Variants in MACF1 observed in about 807,000 individuals in gnomAD.
The protein encoded by MACF1 is microtubule actin crosslinking factor 1, also known as microtubule-actin cross-linking factor 1.
Under a neutral mutation model 854.8 loss-of-function variants are expected in MACF1, and 193 were observed. The observed-to-expected ratio is 0.23, with a 90% CI of 0.20 to 0.25. MACF1 has a LOEUF of 0.25. Among genes scored for constraint, MACF1 ranks in the 10% least tolerant of loss-of-function variants. MACF1 has a pLI of 1.00. For missense variants in MACF1, 7,722 were observed against 8,929.1 expected, an observed-to-expected ratio of 0.86 and a Z score of 5.45; for synonymous variants, 3,185 against 3,226.7, an observed-to-expected ratio of 0.99 and a Z score of 0.44.
intron 33 of MACF1, 66 bp downstream of exon 33, chr1:39,323,074 G>A (rs1482415445): frequency 6.8e-7 from 1 of 1,473,732 alleles, no homozygotes; most frequent in East Asian, 2.3e-5. Flanking sequence ...GCACGGTGGT[G>A]TGTGCCTGTA....
intron 80 of MACF1, among the ~76,000 whole-genome samples, chr1:39,446,450 T>G (rs1644233360): frequency 1.3e-5 from 2 of 152,044 alleles, no homozygotes; most frequent in South Asian, 4.1e-4. Flanking sequence ...TCCACCTGAT[T>G]TGTTTAGATT....
chr1:39,225,373 C>T (rs1272129953), intron 1 of MACF1, among the ~76,000 whole-genome samples: 6 of 150,842 alleles, frequency 4.0e-5, no homozygotes, highest in African/African-American at 9.8e-5. Context: ...CCCGCCACCG[C>T]GCCCGGCTAA....
chr1:39,240,571 T>C (rs1261472042), intron 2 of MACF1, among the ~76,000 whole-genome samples: 1 of 152,240 alleles, frequency 6.6e-6, no homozygotes, highest in Non-Finnish European at 1.5e-5. Context: ...CGATCTTGGC[T>C]CACTGCAGCC....
At position 39,357,681 on chromosome 1, in the gene MACF1, G is replaced by A. The variant is rs773618583; in HGVS notation, c.11731G>A (p.Glu3911Lys). The change falls in exon 45 of 101, where the codon GAG becomes AAG. Residue 3911 changes from glutamate (E) to lysine (K), a missense_variant. Glu to Lys is a moderately conservative substitution (Grantham distance 56). Coordinates refer to ENST00000564288, the MANE Select transcript of MACF1 (RefSeq NM_001394062.1). ...CATGCATAAGGGAGGCAGCAGCCCC[G>A]AGACCCTTCCCTCCCTGCTAAAGCG... is the stretch of plus-strand genomic sequence containing the variant. ...ENMHKGGSSP[E>K]TLPSLLKRQG... is the part of the protein sequence containing the mutation. The A allele has an allele frequency of 1.3e-5, 21 of 1,614,000 alleles. No individual in the cohort carries two copies. The African/African-American group carries it at 1.5e-4, about 11-fold the overall frequency.
chr1:39,286,439 T>A lies in MACF1; in HGVS notation c.1508+681T>A, dbSNP rs188040779. On this transcript the variant is annotated intron_variant, in intron 14 of 100. Coordinates refer to ENST00000564288, the MANE Select transcript of MACF1 (RefSeq NM_001394062.1). Reference sequence around the variant, plus strand: ...AATTGAGACCCACAGAAGATGAAAATTATGTAAAGTCATGTGGCTAGTTTT... The same window carrying A: ...AATTGAGACCCACAGAAGATGAAAAATATGTAAAGTCATGTGGCTAGTTTT... 4.6e-5 allele frequency among the ~76,000 whole-genome samples: 7 copies of A among 152,138 alleles called. No homozygotes were observed. In the East Asian group the frequency reaches 1.3e-3, roughly 29 times the overall value.
At chr1:39,297,835 G>A (rs149789827) in intron 21 of MACF1, 90 bp downstream of exon 21, 3 of 1,449,162 alleles carry the variant, frequency 2.1e-6, no homozygotes, top group Non-Finnish European at 1.9e-6. Flanking sequence ...AAGCTCCAGG[G>A]CAATGGGCCA....
At chr1:39,117,956 G>A (rs921755261) in intron 2 of MACF1, among the ~76,000 whole-genome samples, 15 of 152,218 alleles carry the variant, frequency 9.9e-5, no homozygotes, top group African/African-American at 3.6e-4. Flanking sequence ...ATGGCAGAGA[G>A]CTGCCACCTG....
At chr1:39,119,959 C>A (rs1435751056) in intron 2 of MACF1, among the ~76,000 whole-genome samples, 1 of 150,780 alleles carries the variant, frequency 6.6e-6, no homozygotes, top group African/African-American at 2.4e-5. Context: ...TCTCGGCTCA[C>A]CGCAACCTCT....
At position 39,347,619 on chromosome 1, in the gene MACF1, T is replaced by C. The variant is rs1054033644; in HGVS notation, c.10815+409T>C. Among the ~76,000 whole-genome samples, 7 of 152,312 alleles carry C rather than the reference T, an allele frequency of 4.6e-5. No individual in the cohort carries two copies. The South Asian group carries it at 1.4e-3, about 32-fold the overall frequency. On this transcript the variant is annotated intron_variant, in intron 41 of 100. Transcript: ENST00000564288. ...TACCCTGAGCTCTTGAGGAGAAGGGTTCTGAAATCAGTTTCATTCTATTTA... is the reference window on the plus strand; with the variant it reads ...TACCCTGAGCTCTTGAGGAGAAGGGCTCTGAAATCAGTTTCATTCTATTTA...
chr1:39,162,375 C>G (rs1229853571), intron 2 of MACF1, among the ~76,000 whole-genome samples: 1 of 152,198 alleles, frequency 6.6e-6, no homozygotes, highest in Non-Finnish European at 1.5e-5. Context: ...TAATTTTACC[C>G]TTCTCTTCCT....
chr1:39,315,847 T>G (rs1646401902), intron 27 of MACF1, among the ~76,000 whole-genome samples, 156 bp downstream of exon 27: 1 of 152,170 alleles, frequency 6.6e-6, no homozygotes, highest in South Asian at 2.1e-4. Context: ...CCTAGTAACA[T>G]TAAGTAGGTT....
rs1421125069 is a variant in MACF1, at chr1:39,357,303, G to C, written c.11425-72G>C. On this transcript the variant is annotated intron_variant, in intron 44 of 100. Transcript: ENST00000564288. ...GACCTCACATGGAGTATGAAGTCCA[G>C]TCTTGTATACCTCAAATTATTGTGG... 7.9e-6 allele frequency: 12 copies of C among 1,519,644 alleles called. No homozygotes were observed. In the Admixed American group the frequency reaches 2.1e-4, roughly 27 times the overall value. The allele number at this position is 1,519,644 out of a possible 1,614,324, so 94.1% of individuals were successfully genotyped here. A position where few individuals can be genotyped will look rare whatever the true frequency, so the allele number is the denominator to read the frequency against.
intron 2 of MACF1, among the ~76,000 whole-genome samples, chr1:39,126,995 G>GGTGA (rs1642877413): frequency 6.6e-6 from 1 of 152,136 alleles, no homozygotes; most frequent in South Asian, 2.1e-4. Flanking sequence ...CCTTTGGGAG[G>GGTGA]GTGAGGCAGG....
Position 39,334,748 on chromosome 1 carries a change from T to G in MACF1, c.8160T>G (p.Ile2720Met). 6.2e-7 allele frequency: 1 copy of G among 1,614,124 alleles called. No homozygotes were observed. The highest frequency in any genetic ancestry group is 2.2e-5 in the East Asian group (1 of 44,874). ...EKLVDENMVR[I>M]IASHQVLNGG... ...TGGTGGATGAAAACATGGTCAGAAT[T>G]ATTGCATCTCATCAGGTGTTAAATG... Residue 2720 changes from isoleucine to methionine, a missense_variant, in exon 37 of 101, where the codon ATT (isoleucine) becomes ATG (methionine). Ile to Met is a conservative substitution (Grantham distance 10, BLOSUM62 1). Coordinates refer to ENST00000564288, the MANE Select transcript of MACF1 (RefSeq NM_001394062.1).
At chr1:39,321,677 A>C (rs1314613769) in intron 31 of MACF1, among the ~76,000 whole-genome samples, 1 of 152,200 alleles carries the variant, frequency 6.6e-6, no homozygotes, top group Non-Finnish European at 1.5e-5. Flanking sequence ...TTTATCTTCT[A>C]TTCTTGCTTC....
chr1:39,332,911 A>G lies in MACF1; in HGVS notation c.6323A>G (p.Gln2108Arg), dbSNP rs1424356771. The G allele has an allele frequency of 6.2e-7, 1 of 1,614,186 alleles. No homozygotes were observed. The highest frequency in any genetic ancestry group is 2.2e-5 in the East Asian group (1 of 44,890). Residue 2108 changes from glutamine to arginine, a missense_variant, in exon 37 of 101, where the codon CAG becomes CGG. Around this residue, in one of 15 missense-constraint regions of MACF1, gnomAD observed 1,531 missense variants for 1,601.6 expected, o/e 0.96. Transcript: ENST00000564288. ...AAAGTCAAATTAGAGGTACAAAGGC[A>G]GTTGATAGGTACCCAAAGGGAAGAC... Reference protein sequence around the residue: ...INKVKLEVQRQLIGTQREDQT... With the variant: ...INKVKLEVQRRLIGTQREDQT...
In MACF1 at chr1:39,332,147, G is replaced by A. The variant is rs745911739; in HGVS notation, c.5559G>A (p.Trp1853Ter). 70 of 1,613,960 alleles carry A rather than the reference G, an allele frequency of 4.3e-5. No individual in the cohort carries two copies. The highest frequency in any genetic ancestry group is 5.8e-5 in the Non-Finnish European group (68 of 1,180,022). ...TCTGGTCATTCATGGGGTTGCTGTG[G>A]CCTGAATCTGGAGAGATCCTCCCAA... ...ESLWSFMGLL[W>*]PESGEILPIT... is the part of the protein sequence containing the mutation. Residue 1853 changes from tryptophan (W) to a stop codon, truncating the protein, a stop_gained, in exon 37 of 101, where the codon TGG becomes TGA. Transcript: ENST00000564288. LOFTEE classifies it high-confidence loss of function.
chr1:39,111,446 GAACT>G (rs905246996), intron 2 of MACF1, among the ~76,000 whole-genome samples: 1 of 151,792 alleles, frequency 6.6e-6, no homozygotes, highest in African/African-American at 2.4e-5. Context: ...GCAGTGGTGC[GAACT>G]CGGCTCACTG....
chr1:39,453,174 T>TA (rs1644370777), intron 87 of MACF1, among the ~76,000 whole-genome samples: 1 of 152,208 alleles, frequency 6.6e-6, no homozygotes, highest in African/African-American at 2.4e-5. Context: ...CAGCACCACT[T>TA]ACTAAGCTGT....
Sources: gnomAD v4.1 joint callset for allele counts (sites outside exome capture counted in the v4.1 genomes callset) on GRCh38, gnomAD v4.1.1 for gene constraint, gnomAD v4.1.1 regional missense constraint, MANE v1.5 for transcripts, NCBI Gene and HGNC (gene_info 2026-07-23, HGNC 2026-07-21) for gene names.